GPR158: variants seen among roughly 807,000 people sequenced by gnomAD.
The protein encoded by GPR158 is metabotropic glycine receptor.
GPR158 carries 30 observed loss-of-function variants against 78.2 expected under a neutral mutation model. That is an observed-to-expected ratio of 0.38 (90% CI 0.29 to 0.52). The LOEUF (loss-of-function observed/expected upper bound fraction) is 0.52. Ranked by LOEUF, GPR158 falls within the 20% of genes least tolerant of loss-of-function variation. The probability of loss-of-function intolerance (pLI) is 0.83; values close to 1 mark genes in which losing one functional copy is unlikely to be tolerated. For synonymous variants in GPR158, 581 were observed against 591.1 expected (o/e 0.98, Z 0.25); for missense variants, 1,463 against 1,523.5 (o/e 0.96, Z 0.66).
At chr10:25,230,959 T>C (rs1185832266) in intron 2 of GPR158, among the ~76,000 whole-genome samples, 1 of 152,156 alleles carries the variant, frequency 6.6e-6, no homozygotes, top group Non-Finnish European at 1.5e-5. Context: ...TACCTCTAAA[T>C]TTTTCTGTAG....
At chr10:25,419,661 TTTG>T (rs554254283) in intron 4 of GPR158, among the ~76,000 whole-genome samples, 6 of 152,034 alleles carry the variant, frequency 3.9e-5, no homozygotes, top group East Asian at 1.9e-4. Context: ...TTTCTGTTGT[TTTG>T]TTGTTGTTGT....
chr10:25,336,530 A>G (rs1045037879), intron 2 of GPR158, among the ~76,000 whole-genome samples: 6 of 151,932 alleles, frequency 3.9e-5, no homozygotes, highest in Admixed American at 3.3e-4. Flanking sequence ...GTTTGGTGCA[A>G]TCTCCTATTC....
intron 5 of GPR158, among the ~76,000 whole-genome samples, chr10:25,549,262 T>C (rs1836700365): frequency 6.6e-6 from 1 of 152,158 alleles, no homozygotes; most frequent in Non-Finnish European, 1.5e-5. Context: ...GGTTTCTCCA[T>C]TTGTCTTCCC....
chr10:25,210,226 T>G (rs556051416), intron 1 of GPR158, among the ~76,000 whole-genome samples: 2 of 152,332 alleles, frequency 1.3e-5, no homozygotes, highest in Admixed American at 1.3e-4. Flanking sequence ...ATTAAATAGT[T>G]GTTAGATACC....
chr10:25,583,132 C>T (rs987586584), intron 7 of GPR158, among the ~76,000 whole-genome samples: 1 of 152,148 alleles, frequency 6.6e-6, no homozygotes, highest in Non-Finnish European at 1.5e-5. Context: ...CATCCCGGGG[C>T]TCTGTGCTTC....
chr10:25,488,283 C>G (rs1835760192), intron 5 of GPR158, among the ~76,000 whole-genome samples: 1 of 152,102 alleles, frequency 6.6e-6, no homozygotes, highest in Non-Finnish European at 1.5e-5. Flanking sequence ...AGAATTTAAT[C>G]ACAAGGTCAT....
intron 1 of GPR158, among the ~76,000 whole-genome samples, chr10:25,216,438 TTA>T (rs1007156622): frequency 6.6e-6 from 1 of 152,078 alleles, no homozygotes; most frequent in African/African-American, 2.4e-5. Flanking sequence ...CCATAGCAGT[TTA>T]TGATACTTTC....
chr10:25,538,431 T>A (rs1172108926), intron 5 of GPR158, among the ~76,000 whole-genome samples: 2 of 152,220 alleles, frequency 1.3e-5, no homozygotes, highest in Non-Finnish European at 2.9e-5. Context: ...AAGTGTGCTT[T>A]CATTTCTCTG....
rs113996782 is a variant in GPR158 at position 25,230,288 on chromosome 10, T to A, written c.1008+9131T>A. 9.6e-3 allele frequency among the ~76,000 whole-genome samples: 1,460 copies of A among 152,258 alleles called. 17 individuals carry two copies. The highest frequency in any genetic ancestry group is 0.038 in the South Asian group (182 of 4,812). ...ATGTGAATGATATTTGGGAGGATAA[T>A]TGAAAGTTGAAAATAAGTCAACAGT... On this transcript the variant is annotated intron_variant, in intron 2 of 10. Coordinates refer to ENST00000376351, the MANE Select transcript of GPR158 (RefSeq NM_020752.3).
At chr10:25,578,250 C>T (rs1435515982) in intron 7 of GPR158, among the ~76,000 whole-genome samples, 1 of 152,232 alleles carries the variant, frequency 6.6e-6, no homozygotes, top group Non-Finnish European at 1.5e-5. Context: ...TCCTCAGCAA[C>T]ATGGCCTACG....
At chr10:25,510,198 C>T (rs577072113) in intron 5 of GPR158, among the ~76,000 whole-genome samples, 18 of 152,128 alleles carry the variant, frequency 1.2e-4, no homozygotes, top group African/African-American at 3.1e-4. Context: ...CAGAGTTGGA[C>T]GCTTGAATAA....
In GPR158 at chr10:25,217,582, C is replaced by T. The variant is rs182892657; in HGVS notation, c.903-3470C>T. ...ATGCTAGTATTAAATTTGTTTAACC[C>T]GTGAAAGATGAGGGCCTGAAGCAAG... On this transcript the variant is annotated intron_variant, in intron 1 of 10. Transcript: ENST00000376351. Among the ~76,000 whole-genome samples, 113 of 152,190 alleles carry T rather than the reference C, an allele frequency of 7.4e-4. 1 individual carries two copies. Among genetic ancestry groups the T allele is most frequent in the African/African-American group, 2.1e-3 (88 of 41,526 alleles).
intron 5 of GPR158, among the ~76,000 whole-genome samples, chr10:25,544,726 T>C (rs1452121186): frequency 2.0e-5 from 3 of 152,224 alleles, no homozygotes; most frequent in African/African-American, 7.2e-5. Context: ...TTTTTTGTTA[T>C]ACTTTAAGTT....
intron 5 of GPR158, among the ~76,000 whole-genome samples, chr10:25,520,626 C>A (rs1353526135): frequency 3.3e-5 from 5 of 150,922 alleles, no homozygotes; most frequent in Admixed American, 6.6e-5. Context: ...TGTTGGAATA[C>A]CCTGCCGTGT....
rs968543477 is a variant in GPR158 at position 25,412,292 on chromosome 10, T to C, written c.1154T>C (p.Val385Ala). The change falls in exon 4 of 11, where the codon GTG becomes GCG. Residue 385 changes from valine to alanine, a missense_variant. By Grantham distance (64) the Val-to-Ala change is moderately conservative. Coordinates refer to ENST00000376351, the MANE Select transcript of GPR158 (RefSeq NM_020752.3). ...DQHISGSTKD[V>A]SEEAYVCLPC... ...CATATTTCAGGAAGTACAAAAGATG[T>C]GTCAGAAGAAGCCTATGTCTGCCTA... 1.9e-6 allele frequency: 3 copies of C among 1,614,018 alleles called. No individual in the cohort carries two copies. The highest frequency in any genetic ancestry group is 2.5e-6 in the Non-Finnish European group (3 of 1,179,970).
chr10:25,320,931 T>A (rs7907884), intron 2 of GPR158, among the ~76,000 whole-genome samples: 2,333 of 152,318 alleles, frequency 0.015, 67 homozygotes, highest in African/African-American at 0.053. Flanking sequence ...AAATCATGAA[T>A]TTGCATGTGT....
rs1852695868 is a variant in GPR158 at position 25,186,916 on chromosome 10, A to AC, written c.902+10595dup. ...GATACCAAAGCCTGGCAGAGACACAACAAAAAAAAGAGAATTTTAGAAAGA... is the reference window on the plus strand; with the variant it reads ...GATACCAAAGCCTGGCAGAGACACAACCAAAAAAAAGAGAATTTTAGAAAGA... On this transcript the variant is annotated intron_variant, in intron 1 of 10. Transcript: ENST00000376351. Among the ~76,000 whole-genome samples, 3 of 150,820 alleles carry AC rather than the reference A, an allele frequency of 2.0e-5. No individual in the cohort carries two copies. The South Asian group carries it at 6.4e-4, about 32-fold the overall frequency.
chr10:25,361,257 G>A (rs1855635116), intron 2 of GPR158, among the ~76,000 whole-genome samples: 1 of 151,838 alleles, frequency 6.6e-6, no homozygotes, highest in Non-Finnish European at 1.5e-5. Context: ...TGTGGCATAT[G>A]ATGGGATTTC....
intron 2 of GPR158, among the ~76,000 whole-genome samples, chr10:25,354,182 A>T (rs990085915): frequency 1.3e-5 from 2 of 151,678 alleles, no homozygotes; most frequent in African/African-American, 4.8e-5. Context: ...GGTGAAACAC[A>T]CTCTCTACTA....
Sources: allele counts gnomAD v4.1 joint callset (sites outside exome capture counted in the v4.1 genomes callset), GRCh38; gene constraint gnomAD v4.1.1; transcripts MANE v1.5; gene names NCBI Gene and HGNC (gene_info 2026-07-23, HGNC 2026-07-21).